CDK14: variants seen among roughly 807,000 people sequenced by gnomAD.
CDK14 encodes the protein cyclin-dependent kinase 14.
A neutral mutation model predicts 60.7 loss-of-function variants in CDK14; 34 were observed. That is an observed-to-expected ratio of 0.56 (90% CI 0.43 to 0.75). The LOEUF is 0.75. Among genes scored for constraint, CDK14 ranks in the 30% least tolerant of loss-of-function variants. The pLI is 0.00. For synonymous variants in CDK14, 197 were observed against 203.7 expected (o/e 0.97, Z 0.28); for missense variants, 482 against 564.1 (o/e 0.85, Z 1.47).
At chr7:90,836,343 A>C (rs553479738) in intron 5 of CDK14, among the ~76,000 whole-genome samples, 1 of 152,302 alleles carries the variant, frequency 6.6e-6, no homozygotes, top group East Asian at 1.9e-4. Flanking sequence ...GCTATTTTTA[A>C]TATTTCAATT....
intron 13 of CDK14, among the ~76,000 whole-genome samples, chr7:91,116,418 C>T (rs750660119): frequency 2.6e-5 from 4 of 152,164 alleles, no homozygotes; most frequent in Admixed American, 2.6e-4. Flanking sequence ...TCTCTCTGAG[C>T]TTCCCATTTC....
At chr7:91,018,423 A>G (rs546766117) in intron 10 of CDK14, among the ~76,000 whole-genome samples, 1 of 152,286 alleles carries the variant, frequency 6.6e-6, no homozygotes, top group South Asian at 2.1e-4. Context: ...CATATTTGGT[A>G]TCTGATGAGG....
chr7:90,812,031 A>G (rs1280220212), intron 5 of CDK14, among the ~76,000 whole-genome samples: 1 of 152,188 alleles, frequency 6.6e-6, no homozygotes, highest in East Asian at 1.9e-4. Flanking sequence ...ACTGTAAACT[A>G]GTTCAACCAT....
At chr7:90,758,123 AACAT>A (rs1312447082) in intron 4 of CDK14, among the ~76,000 whole-genome samples, 1 of 152,220 alleles carries the variant, frequency 6.6e-6, no homozygotes, top group Non-Finnish European at 1.5e-5. Flanking sequence ...TGTTCACATC[AACAT>A]ACAAAACTCA....
intron 10 of CDK14, among the ~76,000 whole-genome samples, chr7:91,017,294 G>T (rs372945190): frequency 6.6e-6 from 1 of 152,284 alleles, no homozygotes; most frequent in South Asian, 2.1e-4. Flanking sequence ...AGAGAAAGTG[G>T]CTAAACAGAT....
intron 6 of CDK14, among the ~76,000 whole-genome samples, chr7:90,898,008 CT>C (rs543160723): frequency 6.6e-6 from 1 of 152,076 alleles, no homozygotes; most frequent in Non-Finnish European, 1.5e-5. Flanking sequence ...AGCATTTTCT[CT>C]GACCCATTTT....
At chr7:91,013,858 A>G (rs1796232493) in intron 10 of CDK14, among the ~76,000 whole-genome samples, 1 of 152,020 alleles carries the variant, frequency 6.6e-6, no homozygotes, top group Admixed American at 6.6e-5. Context: ...AGGGAATTCT[A>G]GAGAGCATTT....
At chr7:90,916,967 C>T (rs1793102228) in intron 7 of CDK14, among the ~76,000 whole-genome samples, 1 of 152,104 alleles carries the variant, frequency 6.6e-6, no homozygotes. Context: ...TGGGTTTGCT[C>T]TGAAATTAGT....
chr7:90,782,429 C>T (rs1280899820), intron 4 of CDK14, among the ~76,000 whole-genome samples: 3 of 152,022 alleles, frequency 2.0e-5, no homozygotes, highest in African/African-American at 4.8e-5. Flanking sequence ...GCCTAATTGC[C>T]CTGGCCAGAA....
intron 12 of CDK14, among the ~76,000 whole-genome samples, chr7:91,084,945 C>T (rs1798592830): frequency 1.3e-5 from 2 of 152,190 alleles, no homozygotes; most frequent in South Asian, 4.1e-4. Flanking sequence ...GGCAGCTGGG[C>T]TGCTCATTTC....
At chr7:90,870,155 C>T (rs1400348624) in intron 6 of CDK14, among the ~76,000 whole-genome samples, 2 of 152,162 alleles carry the variant, frequency 1.3e-5, no homozygotes, top group Non-Finnish European at 2.9e-5. Context: ...CTGTGGAATA[C>T]TATGCAGTCA....
chr7:90,789,426 A>G (rs1441341986), intron 4 of CDK14, among the ~76,000 whole-genome samples: 1 of 152,142 alleles, frequency 6.6e-6, no homozygotes, highest in East Asian at 1.9e-4. Flanking sequence ...TTTTTAATAC[A>G]GTTGTCTCTC....
chr7:91,101,299 G>T (rs1188222746), intron 12 of CDK14, among the ~76,000 whole-genome samples: 2 of 152,106 alleles, frequency 1.3e-5, no homozygotes, highest in African/African-American at 4.8e-5. Flanking sequence ...TCCCCATTTT[G>T]TAAGCATGAC....
chr7:91,045,177 T>C (rs697393), intron 10 of CDK14, among the ~76,000 whole-genome samples: 71,072 of 151,934 alleles, frequency 0.47, 17,786 homozygotes, highest in East Asian at 0.88. Context: ...GCCATGATCA[T>C]TGAGTGTAAG....
chr7:90,724,224 A>G lies in CDK14; in HGVS notation c.124-2343A>G, dbSNP rs144378279. 7.2e-4 allele frequency among the ~76,000 whole-genome samples: 109 copies of G among 151,856 alleles called. 1 individual carries two copies. The East Asian group carries it at 0.015, about 21-fold the overall frequency. ...CTAAGTTGTGGAATTTATTGGCACA[A>G]TGTTGTTTGTAGTATTTGTAGAACA... On this transcript the variant is annotated intron_variant, in intron 2 of 14. Coordinates refer to ENST00000380050, the MANE Select transcript of CDK14 (RefSeq NM_001287135.2).
At chr7:91,137,607 A>T (rs1192101403) in intron 14 of CDK14, among the ~76,000 whole-genome samples, 1 of 152,112 alleles carries the variant, frequency 6.6e-6, no homozygotes, top group Admixed American at 6.5e-5. Context: ...AGTTAACTAC[A>T]TGCACTGTGC....
intron 4 of CDK14, among the ~76,000 whole-genome samples, chr7:90,777,937 C>T (rs180839044): frequency 1.4e-4 from 21 of 152,298 alleles, no homozygotes; most frequent in Non-Finnish European, 2.8e-4. Context: ...CCCTTTCCTC[C>T]ATCCTTTAGG....
chr7:90,927,905 T>A (rs1048467504), intron 8 of CDK14, among the ~76,000 whole-genome samples: 30 of 152,228 alleles, frequency 2.0e-4, no homozygotes, highest in African/African-American at 7.0e-4. Flanking sequence ...GGCGGCTTTG[T>A]TCGTTTCTTT....
chr7:90,596,750 C>T lies in CDK14; in HGVS notation c.91+32C>T, dbSNP rs549079679. On this transcript the variant is annotated intron_variant, in intron 1 of 14. Coordinates refer to ENST00000380050, the MANE Select transcript of CDK14 (RefSeq NM_001287135.2). ...AGCGCGCTGCCCCCGGCCCCCCCAG[C>T]GCCCGCTCCCCTCGGCCTGCGCCCC... 9.9e-5 allele frequency: 155 copies of T among 1,558,564 alleles called. No individual in the cohort carries two copies. The African/African-American group carries it at 2.0e-3, about 20-fold the overall frequency.
Sources: gnomAD v4.1 joint callset for allele counts (sites outside exome capture counted in the v4.1 genomes callset) on GRCh38, gnomAD v4.1.1 for gene constraint, MANE v1.5 for transcripts, NCBI Gene and HGNC (gene_info 2026-07-23, HGNC 2026-07-21) for gene names.